CPA6: variants seen among roughly 807,000 people sequenced by gnomAD.
CPA6 encodes carboxypeptidase A6.
In CPA6, 58 loss-of-function variants were observed where a neutral mutation model predicts 63.3. That is an observed-to-expected ratio of 0.92 (90% CI 0.74 to 1.14). The LOEUF (loss-of-function observed/expected upper bound fraction) is 1.14. Ranked by LOEUF, CPA6 falls within the 50% of genes most tolerant of loss-of-function variation. The pLI is 0.00. For synonymous variants in CPA6, 185 were observed against 179.0 expected (o/e 1.03, Z -0.27); for missense variants, 565 against 526.6 (o/e 1.07, Z -0.71).
At chr8:67,618,322 T>C (rs1232190029) in intron 2 of CPA6, among the ~76,000 whole-genome samples, 1 of 152,206 alleles carries the variant, frequency 6.6e-6, no homozygotes. Flanking sequence ...TCCAGTTGGA[T>C]GTTTGAGTTT....
chr8:67,589,761 G>A (rs1055815891), intron 2 of CPA6, among the ~76,000 whole-genome samples: 3 of 151,986 alleles, frequency 2.0e-5, no homozygotes, highest in African/African-American at 4.8e-5. Context: ...TCACTAGAAA[G>A]CTTCCCTATG....
intron 1 of CPA6, chr8:67,735,087 A>C (rs966863983): frequency 6.6e-6 from 1 of 152,216 alleles, no homozygotes; most frequent in African/African-American, 2.4e-5. Flanking sequence ...GTGTGTTAAG[A>C]AAACAAAGGT....
intron 2 of CPA6, among the ~76,000 whole-genome samples, chr8:67,586,380 G>A (rs956678276): frequency 6.6e-6 from 1 of 152,174 alleles, no homozygotes; most frequent in Non-Finnish European, 1.5e-5. Context: ...ATACATGCCA[G>A]TCATAGAAGA....
At chr8:67,617,008 G>A (rs886295667) in intron 2 of CPA6, among the ~76,000 whole-genome samples, 2 of 152,202 alleles carry the variant, frequency 1.3e-5, no homozygotes, top group African/African-American at 2.4e-5. Context: ...CATCCGGCAA[G>A]AGCAATTCCT....
chr8:67,475,866 TCTTTCTTTCTTTCTC>T (rs1811198831), intron 8 of CPA6, among the ~76,000 whole-genome samples: 6 of 97,744 alleles, frequency 6.1e-5, no homozygotes, highest in Middle Eastern at 4.5e-3. Context: ...TTTCTTTCTT[TCTTTCTTTCTTTCTC>T]CTTTCTTTCT....
intron 1 of CPA6, among the ~76,000 whole-genome samples, chr8:67,722,439 C>G (rs1211658319): frequency 6.6e-6 from 1 of 152,168 alleles, no homozygotes; most frequent in African/African-American, 2.4e-5. Flanking sequence ...AAAAAATCAG[C>G]TTTGAGAGCC....
chr8:67,483,534 G>A (rs1363513622), intron 8 of CPA6: 2 of 551,110 alleles, frequency 3.6e-6, no homozygotes, highest in Non-Finnish European at 6.4e-6. Flanking sequence ...TAAATTTTCA[G>A]TTTTCAGGAC....
intron 2 of CPA6, among the ~76,000 whole-genome samples, chr8:67,582,502 G>C (rs573704464): frequency 6.6e-6 from 1 of 152,334 alleles, no homozygotes; most frequent in South Asian, 2.1e-4. Context: ...CATAGTGTGA[G>C]TGACTGAAGA....
At chr8:67,635,029 G>A (rs1212138145) in intron 1 of CPA6, among the ~76,000 whole-genome samples, 1 of 151,336 alleles carries the variant, frequency 6.6e-6, no homozygotes, top group African/African-American at 2.5e-5. Flanking sequence ...TAGAACAACA[G>A]GTGTGAACCA....
intron 2 of CPA6, among the ~76,000 whole-genome samples, chr8:67,619,770 T>C (rs1169660556): frequency 1.3e-5 from 2 of 152,188 alleles, no homozygotes; most frequent in African/African-American, 4.8e-5. Context: ...CAACTTCCTG[T>C]CCCATGACTT....
In CPA6 at chr8:67,511,578, G is replaced by C; in HGVS notation, c.395C>G (p.Ser132Cys). The C allele has an allele frequency of 1.2e-6, 2 of 1,611,110 alleles. No homozygotes were observed. The highest frequency in any genetic ancestry group is 1.7e-6 in the Non-Finnish European group (2 of 1,177,406). Residue 132 changes from serine (S) to cysteine (C), a missense_variant, in exon 4 of 11, where the codon TCT becomes TGT. By Grantham distance (112) the Ser-to-Cys change is moderately radical. Transcript: ENST00000297770. ...LHTQRNRRSL[S>C]GYNYEVYHSL... is the part of the protein sequence containing the mutation. ...GTGATAAACTTCATAATTATATCCA[G>C]AGAGGGATCTTCGGTTTCTCTGGGT...
chr8:67,480,715 A>G (rs1284642540), intron 8 of CPA6, among the ~76,000 whole-genome samples: 1 of 152,108 alleles, frequency 6.6e-6, no homozygotes, highest in Admixed American at 6.6e-5. Flanking sequence ...TTGCTGGGTC[A>G]TATGTTTTTA....
At chr8:67,546,533 G>A (rs1056537688) in intron 2 of CPA6, among the ~76,000 whole-genome samples, 40 of 151,940 alleles carry the variant, frequency 2.6e-4, no homozygotes, top group African/African-American at 9.7e-4. Flanking sequence ...TTTCAACATC[G>A]CATGTAACTG....
At chr8:67,436,852 G>T (rs1165457774) in intron 8 of CPA6, among the ~76,000 whole-genome samples, 1 of 152,164 alleles carries the variant, frequency 6.6e-6, no homozygotes, top group African/African-American at 2.4e-5. Context: ...TCTAGAAAAT[G>T]ATAATTCTCT....
rs1587477373 is a variant in CPA6 at position 67,482,199 on chromosome 8, C to T, written c.838+1569G>A. The stretch of plus-strand genomic sequence containing the variant: ...TCTAAGTTTACATAGGCAGAGCTGG[C>T]TGCTGCTAGAGTTACTCAGCTCAAT... On this transcript the variant is annotated intron_variant, in intron 8 of 10. Coordinates refer to ENST00000297770, the MANE Select transcript of CPA6 (RefSeq NM_020361.5). 2.0e-5 allele frequency among the ~76,000 whole-genome samples: 3 copies of T among 152,344 alleles called. No homozygotes were observed. In the South Asian group the frequency reaches 6.2e-4, roughly 32 times the overall value.
At chr8:67,450,778 C>A (rs916826094) in intron 8 of CPA6, among the ~76,000 whole-genome samples, 1 of 152,192 alleles carries the variant, frequency 6.6e-6, no homozygotes, top group Admixed American at 6.5e-5. Context: ...CTAGATCCAA[C>A]CAACACCAAC....
chr8:67,543,509 A>G (rs1812749057), intron 2 of CPA6, among the ~76,000 whole-genome samples: 1 of 152,210 alleles, frequency 6.6e-6, no homozygotes, highest in African/African-American at 2.4e-5. Context: ...CAATCAGACC[A>G]GAAACTACAC....
chr8:67,508,610 G>T (rs1254401911), intron 5 of CPA6, among the ~76,000 whole-genome samples: 1 of 152,158 alleles, frequency 6.6e-6, no homozygotes, highest in Non-Finnish European at 1.5e-5. Flanking sequence ...GACCCAGATG[G>T]TCAGAGAGAC....
chr8:67,689,775 C>A (rs1816779629), intron 1 of CPA6, among the ~76,000 whole-genome samples: 1 of 152,114 alleles, frequency 6.6e-6, no homozygotes, highest in Non-Finnish European at 1.5e-5. Context: ...ATTTCTTTTC[C>A]TTTGGGTATA....
Sources: allele counts gnomAD v4.1 joint callset (sites outside exome capture counted in the v4.1 genomes callset), GRCh38; gene constraint gnomAD v4.1.1; transcripts MANE v1.5; gene names NCBI Gene and HGNC (gene_info 2026-07-23, HGNC 2026-07-21).